GAS7: variants seen among roughly 807,000 people sequenced by gnomAD.
GAS7 encodes growth arrest specific 7.
A neutral mutation model predicts 71.1 loss-of-function variants in GAS7; 28 were observed. The ratio of observed to expected loss-of-function variants is 0.39; its 90% CI spans 0.29 to 0.54. The LOEUF (loss-of-function observed/expected upper bound fraction) is 0.54, where lower values mean the gene tolerates loss of function less well. Ranked by LOEUF, GAS7 falls within the 20% of genes least tolerant of loss-of-function variation. GAS7 has a pLI of 0.62. For missense variants in GAS7, 436 were observed against 627.8 expected (o/e 0.69, Z 3.27); for synonymous variants, 258 against 245.8 (o/e 1.05, Z -0.46).
intron 2 of GAS7, among the ~76,000 whole-genome samples, chr17:9,998,795 C>T (rs981904562): frequency 3.3e-5 from 5 of 152,212 alleles, no homozygotes; most frequent in Admixed American, 2.0e-4. Flanking sequence ...CCCATCCTTA[C>T]GCCTGCATTC....
At chr17:10,019,995 G>T in intron 1 of GAS7, 98 bp from the exon 2 acceptor site, 1 of 1,182,700 alleles carries the variant, frequency 8.5e-7, no homozygotes, top group Non-Finnish European at 1.2e-6. Flanking sequence ...CTACAGTAGC[G>T]TGACATTGGG....
chr17:9,927,118 T>TGAAATA, intron 9 of GAS7: 1 of 226,898 alleles, frequency 4.4e-6, no homozygotes, highest in Non-Finnish European at 8.9e-6. Context: ...TATGCTGTTT[T>TGAAATA]GAAATATGTA....
At chr17:10,175,978 C>T (rs2074371667) in intron 1 of GAS7, among the ~76,000 whole-genome samples, 1 of 152,176 alleles carries the variant, frequency 6.6e-6, no homozygotes, top group African/African-American at 2.4e-5. Flanking sequence ...TGGGCACATC[C>T]CCGTTATCAC....
chr17:10,009,671 C>CA (rs373722135), intron 2 of GAS7, among the ~76,000 whole-genome samples: 7,089 of 77,854 alleles, frequency 0.091, 543 homozygotes, highest in African/African-American at 0.25. Context: ...GACCCCTTCT[C>CA]AAAAAAAAAA....
At chr17:9,946,077 C>A (rs960385346) in intron 6 of GAS7, among the ~76,000 whole-genome samples, 1 of 152,060 alleles carries the variant, frequency 6.6e-6, no homozygotes, top group Non-Finnish European at 1.5e-5. Flanking sequence ...TTGAAATGTA[C>A]AATTTAGTGG....
At chr17:10,136,531 T>C (rs750383990) in intron 1 of GAS7, among the ~76,000 whole-genome samples, 5 of 152,156 alleles carry the variant, frequency 3.3e-5, no homozygotes, top group Non-Finnish European at 7.3e-5. Context: ...AGATCTTCAA[T>C]GCACTGCAAA....
intron 11 of GAS7, among the ~76,000 whole-genome samples, chr17:9,922,920 G>T (rs2152071211): frequency 6.6e-6 from 1 of 152,186 alleles, no homozygotes; most frequent in East Asian, 1.9e-4. Flanking sequence ...TGTTTGTTTT[G>T]TTTTTTGAGA....
At chr17:9,918,120 A>G (rs1168355493) in intron 12 of GAS7, 21 bp from the exon 13 acceptor site, 7 of 1,585,260 alleles carry the variant, frequency 4.4e-6, no homozygotes, top group Non-Finnish European at 6.1e-6. Flanking sequence ...AGCAAAGGCC[A>G]GAGAACTCTG....
chr17:10,080,217 T>A (rs537083708), intron 1 of GAS7, among the ~76,000 whole-genome samples: 3 of 152,264 alleles, frequency 2.0e-5, no homozygotes, highest in Admixed American at 2.0e-4. Flanking sequence ...ATACGCTAAT[T>A]ATAATGTATT....
intron 1 of GAS7, among the ~76,000 whole-genome samples, chr17:10,163,104 G>GA (rs964368745): frequency 2.1e-4 from 32 of 151,516 alleles, no homozygotes; most frequent in Non-Finnish European, 4.3e-4. Context: ...TCTCTACAAA[G>GA]AAAAAAAAAT....
intron 5 of GAS7, among the ~76,000 whole-genome samples, chr17:9,955,589 AC>A (rs1249594359): frequency 2.0e-5 from 3 of 152,152 alleles, no homozygotes; most frequent in African/African-American, 7.2e-5. Context: ...GAATAGGTGG[AC>A]CCAGGCTCTG....
At chr17:10,093,173 C>T (rs934002377) in intron 1 of GAS7, among the ~76,000 whole-genome samples, 2 of 152,206 alleles carry the variant, frequency 1.3e-5, no homozygotes, top group South Asian at 4.1e-4. Flanking sequence ...CAACCTTGGA[C>T]AAGACCAACC....
At chr17:10,171,361 T>C (rs1477083605) in intron 1 of GAS7, among the ~76,000 whole-genome samples, 1 of 152,158 alleles carries the variant, frequency 6.6e-6, no homozygotes, top group Non-Finnish European at 1.5e-5. Flanking sequence ...CACAGCTGGC[T>C]CCCTGCCTGT....
At chr17:10,044,613 T>C (rs958624833) in intron 1 of GAS7, among the ~76,000 whole-genome samples, 1 of 152,232 alleles carries the variant, frequency 6.6e-6, no homozygotes, top group Admixed American at 6.5e-5. Context: ...CTAAATTTTT[T>C]TGGTATTTCT....
intron 1 of GAS7, among the ~76,000 whole-genome samples, chr17:10,095,757 C>T (rs900353587): frequency 2.7e-5 from 4 of 148,038 alleles, no homozygotes; most frequent in Admixed American, 1.4e-4. Flanking sequence ...GAGCTGAGAT[C>T]ATGCCACTGC....
intron 1 of GAS7, among the ~76,000 whole-genome samples, chr17:10,101,970 G>A (rs1439455850): frequency 1.3e-5 from 2 of 152,098 alleles, no homozygotes; most frequent in East Asian, 1.9e-4. Context: ...GAGACTGGCA[G>A]AACCATCTAA....
At chr17:10,065,633 G>GA (rs1203220808) in intron 1 of GAS7, among the ~76,000 whole-genome samples, 2 of 152,192 alleles carry the variant, frequency 1.3e-5, no homozygotes, top group Admixed American at 1.3e-4. Flanking sequence ...GATAACCCAG[G>GA]AAAACCTTCT....
intron 2 of GAS7, among the ~76,000 whole-genome samples, chr17:10,016,757 T>A (rs1438946484): frequency 2.8e-4 from 9 of 32,722 alleles, no homozygotes; most frequent in South Asian, 1.3e-3. Context: ...CAAAAAATAA[T>A]AATAATAATA....
chr17:10,023,979 C>T (rs969619812), intron 1 of GAS7, among the ~76,000 whole-genome samples: 88 of 152,144 alleles, frequency 5.8e-4, no homozygotes, highest in African/African-American at 1.9e-3. Flanking sequence ...CAAAAATTAG[C>T]TGGGCATGGT....
Sources: gnomAD v4.1 joint callset for allele counts (sites outside exome capture counted in the v4.1 genomes callset) on GRCh38, gnomAD v4.1.1 for gene constraint, MANE v1.5 for transcripts, NCBI Gene and HGNC (gene_info 2026-07-23, HGNC 2026-07-21) for gene names.